Variants in MAB21L1 observed in about 807,000 individuals in gnomAD.
The protein encoded by MAB21L1 is putative nucleotidyltransferase MAB21L1.
In MAB21L1, 8 loss-of-function variants were observed where a neutral mutation model predicts 28.9. The ratio of observed to expected loss-of-function variants is 0.28; its 90% confidence interval spans 0.16 to 0.50. The LOEUF is 0.50. Among genes scored for constraint, MAB21L1 ranks in the 20% least tolerant of loss-of-function variants. The pLI is 0.98. For missense variants in MAB21L1, 388 were observed against 466.5 expected (o/e 0.83, Z 1.55); for synonymous variants, 219 against 198.2 (o/e 1.10, Z -0.88).
At position 35,475,924 on chromosome 13, in the gene MAB21L1, G is replaced by A; in HGVS notation, c.215C>T (p.Thr72Ile). The change falls in exon 1 of 1, where the codon ACC (threonine) becomes ATC (isoleucine). Residue 72 changes from threonine to isoleucine, a missense_variant. Transcript: ENST00000379919. ...GAGATAAAGCACCACTTCAAATTCG[G>A]TGGGGGAGATGACCTCGAGGCCCTC... The part of the protein sequence containing the change: ...RYEGLEVISP[T>I]EFEVVLYLNQ... The A allele has an allele frequency of 1.2e-6, 2 of 1,614,146 alleles. No individual in the cohort carries two copies. Among genetic ancestry groups the A allele is most frequent in the Non-Finnish European group, 1.7e-6 (2 of 1,180,028 alleles).
rs112354142 is a variant in MAB21L1 at position 35,474,422 on chromosome 13, A to C, written c.*637T>G. 1 of 152,690 alleles carries C rather than the reference A, an allele frequency of 6.5e-6. No individual in the cohort carries two copies. Among genetic ancestry groups the C allele is most frequent in the East Asian group, 1.9e-4 (1 of 5,204 alleles). The allele number at this position is 152,690 out of a possible 1,614,324, so 9.5% of individuals were successfully genotyped here. A position where few individuals can be genotyped will look rare whatever the true frequency, so the allele number is the denominator to read the frequency against. ...TGGAATGTTAGAAATAGAACAAGCA[A>C]TATTTGAAACAAAATGTAAACTTTT... On this transcript the variant is annotated 3_prime_UTR_variant, in exon 1 of 1. Coordinates refer to ENST00000379919, the MANE Select transcript of MAB21L1 (RefSeq NM_005584.5).
In MAB21L1 at chr13:35,475,928, G is replaced by T. The variant is rs1442602021; in HGVS notation, c.211C>A (p.Pro71Thr). ...NRYEGLEVIS[P>T]TEFEVVLYLN... is the part of the protein sequence containing the mutation. ...TAAAGCACCACTTCAAATTCGGTGG[G>T]GGAGATGACCTCGAGGCCCTCGTAG... is the stretch of plus-strand genomic sequence containing the variant. Residue 71 changes from proline (P) to threonine (T), a missense_variant, in exon 1 of 1, where the codon CCC (proline) becomes ACC (threonine). Coordinates refer to ENST00000379919, the MANE Select transcript of MAB21L1 (RefSeq NM_005584.5). 1.9e-6 allele frequency: 3 copies of T among 1,614,154 alleles called. No individual in the cohort carries two copies. The South Asian group carries it at 3.3e-5, about 18-fold the overall frequency.
chr13:35,476,094 G>A lies in MAB21L1; in HGVS notation c.45C>T (p.Tyr15=). The stretch of plus-strand genomic sequence containing the variant: ...TCCTGGCTTGGCATTTTTCGTTGTA[G>A]TATTTATTCAGATGGTAGACCAGCT... ...QAKLVYHLNK[Y]YNEKCQARKA... is the part of the protein sequence containing the mutation. Residue 15 remains tyrosine, a synonymous_variant, in exon 1 of 1, where the codon TAC becomes TAT. Coordinates refer to ENST00000379919, the MANE Select transcript of MAB21L1 (RefSeq NM_005584.5). 6.2e-7 allele frequency: 1 copy of A among 1,614,176 alleles called. No homozygotes were observed. Among genetic ancestry groups the A allele is most frequent in the African/African-American group, 1.3e-5 (1 of 75,042 alleles).
chr13:35,476,621 T>A lies in MAB21L1; in HGVS notation c.-483A>T. The stretch of plus-strand genomic sequence containing the variant: ...CACTGTTAATCAAATGGAGGAAAAG[T>A]GTGCTGAGTGTGTGTCCGGGGTGAG... On this transcript the variant is annotated 5_prime_UTR_variant, in exon 1 of 1. Transcript: ENST00000379919. 1 of 498,910 alleles carries A rather than the reference T, an allele frequency of 2.0e-6. No homozygotes were observed. Among genetic ancestry groups the A allele is most frequent in the Non-Finnish European group, 3.7e-6 (1 of 273,600 alleles). The allele number at this position is 498,910 out of a possible 1,614,324, so 30.9% of individuals were successfully genotyped here. A position where few individuals can be genotyped will look rare whatever the true frequency, so the allele number is the denominator to read the frequency against.
At position 35,474,153 on chromosome 13, in the gene MAB21L1, G is replaced by A. The variant is rs1456490184; in HGVS notation, c.*906C>T. The A allele has an allele frequency of 6.6e-6, 1 of 152,436 alleles. No homozygotes were observed. The highest frequency in any genetic ancestry group is 2.4e-5 in the African/African-American group (1 of 41,420). 9.4% of individuals were successfully genotyped at this position (152,436 alleles called of 1,614,324 possible). On this transcript the variant is annotated 3_prime_UTR_variant, in exon 1 of 1. Coordinates refer to ENST00000379919, the MANE Select transcript of MAB21L1 (RefSeq NM_005584.5). Reference sequence around the variant, plus strand: ...TTCAAGTGGGTTTGATTTTCAAAATGCATCATTACATCTTGTGATAGGAAA... The same window carrying A: ...TTCAAGTGGGTTTGATTTTCAAAATACATCATTACATCTTGTGATAGGAAA...
rs756571659 is a variant in MAB21L1 at position 35,475,280 on chromosome 13, G to A, written c.859C>T (p.Arg287Ter). 1 of 1,614,066 alleles carries A rather than the reference G, an allele frequency of 6.2e-7. No homozygotes were observed. Among genetic ancestry groups the A allele is most frequent in the South Asian group, 1.1e-5 (1 of 91,076 alleles). The part of the protein sequence containing the change: ...LVSYECEKHP[R>*]ESDWDESCLG... ...CAAGACTCGTCCCAGTCCGACTCTCGGGGATGCTTTTCACACTCGTAGGAA... is the reference window on the plus strand; with the variant it reads ...CAAGACTCGTCCCAGTCCGACTCTCAGGGATGCTTTTCACACTCGTAGGAA... The change falls in exon 1 of 1, where the codon CGA (arginine) becomes TGA (stop). Residue 287 changes from arginine to a stop codon, truncating the protein, a stop_gained. Transcript: ENST00000379919. LOFTEE classifies it high-confidence loss of function.
chr13:35,476,145 G>T lies in MAB21L1; in HGVS notation c.-7C>A, dbSNP rs2075853634. On this transcript the variant is annotated 5_prime_UTR_variant, in exon 1 of 1. Transcript: ENST00000379919. ...TGGCCTGGGCCGCAATCATGTTGGG[G>T]CAGAGATCCGGATTGTACACCGGAG... The T allele has an allele frequency of 6.2e-7, 1 of 1,613,826 alleles. No individual in the cohort carries two copies.
chr13:35,473,791 T>G lies in MAB21L1; in HGVS notation c.*1268A>C, dbSNP rs912769752. Among the ~76,000 whole-genome samples, 1 of 152,204 alleles carries G rather than the reference T, an allele frequency of 6.6e-6. No homozygotes were observed. The highest frequency in any genetic ancestry group is 2.1e-4 in the South Asian group (1 of 4,830). On this transcript the variant is annotated 3_prime_UTR_variant, in exon 1 of 1. Coordinates refer to ENST00000379919, the MANE Select transcript of MAB21L1 (RefSeq NM_005584.5). ...AAAATAAGGTTTGACATAAAATATA[T>G]TGGTCAGAAAGGATCGTTTTATTAG...
Position 35,474,953 on chromosome 13 carries a change from G to C in MAB21L1, c.*106C>G. On this transcript the variant is annotated 3_prime_UTR_variant, in exon 1 of 1. Coordinates refer to ENST00000379919, the MANE Select transcript of MAB21L1 (RefSeq NM_005584.5). ...GTATTATTATTCCTTTTTAAAGGAAGAGATTGTTTGCACTGCGGAGTGGAA... is the reference window on the plus strand; with the variant it reads ...GTATTATTATTCCTTTTTAAAGGAACAGATTGTTTGCACTGCGGAGTGGAA... 1 of 1,219,604 alleles carries C rather than the reference G, an allele frequency of 8.2e-7. No homozygotes were observed. The highest frequency in any genetic ancestry group is 1.2e-6 in the Non-Finnish European group (1 of 864,936). 75.5% of individuals were successfully genotyped at this position (1,219,604 alleles called of 1,614,324 possible).
Position 35,476,450 on chromosome 13 carries a change from T to G in MAB21L1, c.-312A>C. ...CTCTCTTCCTCTTTTAAAGAATCCTTGTGTGAGAGAACCGCATGGAGAGAT... is the reference window on the plus strand; with the variant it reads ...CTCTCTTCCTCTTTTAAAGAATCCTGGTGTGAGAGAACCGCATGGAGAGAT... On this transcript the variant is annotated 5_prime_UTR_variant, in exon 1 of 1. Coordinates refer to ENST00000379919, the MANE Select transcript of MAB21L1 (RefSeq NM_005584.5). 1.1e-6 allele frequency: 1 copy of G among 888,570 alleles called. No individual in the cohort carries two copies. The highest frequency in any genetic ancestry group is 1.8e-6 in the Non-Finnish European group (1 of 548,728). The allele number at this position is 888,570 out of a possible 1,614,324, so 55.0% of individuals were successfully genotyped here. A position where few individuals can be genotyped will look rare whatever the true frequency, so the allele number is the denominator to read the frequency against.
In MAB21L1 at chr13:35,474,011, A is replaced by G. The variant is rs138939666; in HGVS notation, c.*1048T>C. On this transcript the variant is annotated 3_prime_UTR_variant, in exon 1 of 1. Coordinates refer to ENST00000379919, the MANE Select transcript of MAB21L1 (RefSeq NM_005584.5). ...CTGTTGTAGAAAGGAATTGTCTTAC[A>G]AGTAAGTTAGAGACTGAGAGTAGAT... Among the ~76,000 whole-genome samples, 4 of 152,284 alleles carry G rather than the reference A, an allele frequency of 2.6e-5. No individual in the cohort carries two copies. Among genetic ancestry groups the G allele is most frequent in the African/African-American group, 9.6e-5 (4 of 41,590 alleles).
Position 35,475,611 on chromosome 13 carries a change from G to A in MAB21L1, c.528C>T (p.Cys176=), listed in dbSNP as rs769204536. The A allele has an allele frequency of 2.5e-6, 4 of 1,613,626 alleles. No homozygotes were observed. Among genetic ancestry groups the A allele is most frequent in the African/African-American group, 1.3e-5 (1 of 74,794 alleles). Residue 176 remains cysteine, a synonymous_variant, in exon 1 of 1, where the codon TGC becomes TGT. Coordinates refer to ENST00000379919, the MANE Select transcript of MAB21L1 (RefSeq NM_005584.5). ...YVVQITPAFK[C]TGIWPRSAAH... The stretch of plus-strand genomic sequence containing the variant: ...CAGCACTCCTCGGCCAGATCCCGGT[G>A]CATTTAAAGGCCGGCGTGATCTGCA...
chr13:35,475,979 T>C lies in MAB21L1; in HGVS notation c.160A>G (p.Ser54Gly). 1 of 1,614,180 alleles carries C rather than the reference T, an allele frequency of 6.2e-7. No homozygotes were observed. The highest frequency in any genetic ancestry group is 8.5e-7 in the Non-Finnish European group (1 of 1,180,038). ...EVEVQEPRFI[S>G]SLNEMDNRYE... ...CGATTGTCCATCTCGTTGAGAGAGCTGATGAACCGCGGCTCCTGCACTTCC... is the reference window on the plus strand; with the variant it reads ...CGATTGTCCATCTCGTTGAGAGAGCCGATGAACCGCGGCTCCTGCACTTCC... Residue 54 changes from serine (S) to glycine (G), a missense_variant, in exon 1 of 1, where the codon AGC (serine) becomes GGC (glycine). Around this residue, in one of 3 missense-constraint regions of MAB21L1, gnomAD observed 89 missense variants for 92.2 expected, o/e 0.97. Coordinates refer to ENST00000379919, the MANE Select transcript of MAB21L1 (RefSeq NM_005584.5).
Position 35,475,585 on chromosome 13 carries a change from G to A in MAB21L1, c.554C>T (p.Ala185Val). The stretch of plus-strand genomic sequence containing the variant: ...GGGGATGTGGGGAAGTGGCCAGTGG[G>A]CAGCACTCCTCGGCCAGATCCCGGT... ...KCTGIWPRSA[A>V]HWPLPHIPWP... Residue 185 changes from alanine (A) to valine (V), a missense_variant, in exon 1 of 1, where the codon GCC becomes GTC. By Grantham distance (64) the Ala-to-Val change is moderately conservative. Coordinates refer to ENST00000379919, the MANE Select transcript of MAB21L1 (RefSeq NM_005584.5). 2 of 1,613,592 alleles carry A rather than the reference G, an allele frequency of 1.2e-6. No homozygotes were observed. The highest frequency in any genetic ancestry group is 1.7e-6 in the Non-Finnish European group (2 of 1,179,948).
At position 35,476,468 on chromosome 13, in the gene MAB21L1, GGA is replaced by G. The variant is rs1384805805; in HGVS notation, c.-332_-331del. The G allele has an allele frequency of 1.3e-6, 1 of 797,304 alleles. No individual in the cohort carries two copies. The highest frequency in any genetic ancestry group is 1.7e-5 in the African/African-American group (1 of 58,650). 49.4% of individuals were successfully genotyped at this position (797,304 alleles called of 1,614,324 possible). ...GAATCCTTGTGTGAGAGAACCGCATGGAGAGATCACCTTCTCAGGAATAAAAA... is the reference window on the plus strand; with the variant it reads ...GAATCCTTGTGTGAGAGAACCGCATGGAGATCACCTTCTCAGGAATAAAAA... On this transcript the variant is annotated 5_prime_UTR_variant, in exon 1 of 1. Transcript: ENST00000379919.
Position 35,475,699 on chromosome 13 carries a change from T to A in MAB21L1, c.440A>T (p.Asp147Val). The A allele has an allele frequency of 6.2e-7, 1 of 1,613,592 alleles. No individual in the cohort carries two copies. The highest frequency in any genetic ancestry group is 1.1e-5 in the South Asian group (1 of 91,034). ...GGTGTCTGCCACCATCTTTACCACATCCCGGTAGCTACATTTGTCTACCGC... is the reference window on the plus strand; with the variant it reads ...GGTGTCTGCCACCATCTTTACCACAACCCGGTAGCTACATTTGTCTACCGC... ...AQAVDKCSYRDVVKMVADTSE... is the reference protein window; with the variant it reads ...AQAVDKCSYRVVVKMVADTSE... The change falls in exon 1 of 1, where the codon GAT becomes GTT. Residue 147 changes from aspartate (D) to valine (V), a missense_variant. Asp to Val is a radical substitution (Grantham distance 152, BLOSUM62 -3). Coordinates refer to ENST00000379919, the MANE Select transcript of MAB21L1 (RefSeq NM_005584.5).
At position 35,474,142 on chromosome 13, in the gene MAB21L1, AT is replaced by A. The variant is rs1020322983; in HGVS notation, c.*916del. ...TATTTAAGATATTCAAGTGGGTTTG[AT>A]TTTCAAAATGCATCATTACATCTTG... On this transcript the variant is annotated 3_prime_UTR_variant, in exon 1 of 1. Transcript: ENST00000379919. 2.6e-5 allele frequency: 4 copies of A among 152,498 alleles called. No individual in the cohort carries two copies. The highest frequency in any genetic ancestry group is 9.7e-5 in the African/African-American group (4 of 41,446). 9.4% of individuals were successfully genotyped at this position (152,498 alleles called of 1,614,324 possible).
At position 35,475,356 on chromosome 13, in the gene MAB21L1, G is replaced by A; in HGVS notation, c.783C>T (p.His261=). 1.9e-6 allele frequency: 3 copies of A among 1,613,954 alleles called. No individual in the cohort carries two copies. Among genetic ancestry groups the A allele is most frequent in the Non-Finnish European group, 2.5e-6 (3 of 1,180,002 alleles). Residue 261 remains histidine (H), a synonymous_variant, in exon 1 of 1, where the codon CAC becomes CAT. Coordinates refer to ENST00000379919, the MANE Select transcript of MAB21L1 (RefSeq NM_005584.5). The part of the protein sequence containing the change: ...LSILKTLRDR[H]LELPGQPLNN... ...TCAAGGGCTGGCCCGGCAGTTCAAG[G>A]TGACGATCCCTTAAGGTTTTGAGGA...
chr13:35,475,552 C>G lies in MAB21L1; in HGVS notation c.587G>C (p.Gly196Ala). 6 of 1,613,372 alleles carry G rather than the reference C, an allele frequency of 3.7e-6. No individual in the cohort carries two copies. Among genetic ancestry groups the G allele is most frequent in the Non-Finnish European group, 5.1e-6 (6 of 1,179,968 alleles). ...CTTGACCTCCGCCACCCGGTTGGGT[C>G]CCGGCCAGGGGATGTGGGGAAGTGG... is the stretch of plus-strand genomic sequence containing the variant. The part of the protein sequence containing the change: ...HWPLPHIPWP[G>A]PNRVAEVKAE... The change falls in exon 1 of 1, where the codon GGA becomes GCA. Residue 196 changes from glycine to alanine, a missense_variant. Gly to Ala is a moderately conservative substitution (Grantham distance 60). Coordinates refer to ENST00000379919, the MANE Select transcript of MAB21L1 (RefSeq NM_005584.5).
Sources: allele counts gnomAD v4.1 joint callset (sites outside exome capture counted in the v4.1 genomes callset), GRCh38; gene constraint gnomAD v4.1.1; regional missense constraint gnomAD v4.1.1; transcripts MANE v1.5; gene names NCBI Gene and HGNC (gene_info 2026-07-23, HGNC 2026-07-21).